CDK6: variants seen among roughly 807,000 people sequenced by gnomAD.
CDK6 encodes cyclin-dependent kinase 6.
A neutral mutation model predicts 37.1 loss-of-function variants in CDK6; 6 were observed. That is an observed-to-expected ratio of 0.16 (90% confidence interval 0.09 to 0.32). The LOEUF (loss-of-function observed/expected upper bound fraction) is 0.32. CDK6 is among the 10% of genes least tolerant of loss of function. The pLI, the probability that CDK6 is intolerant of heterozygous loss-of-function variation, is 1.00. For missense variants in CDK6, 224 were observed against 418.9 expected, an observed-to-expected ratio of 0.53 and a Z score of 4.06; for synonymous variants, 160 against 161.3, an observed-to-expected ratio of 0.99 and a Z score of 0.06.
intron 5 of CDK6, among the ~76,000 whole-genome samples, chr7:92,643,945 G>A (rs1006435970): frequency 2.0e-5 from 3 of 152,200 alleles, no homozygotes; most frequent in Non-Finnish European, 2.9e-5. Context: ...TGTCATATCA[G>A]CTTTAGGAAA....
At position 92,606,583 on chromosome 7, in the gene CDK6, T is replaced by G; in HGVS notation, c.*8557A>C. 4.3e-6 allele frequency: 1 copy of G among 233,288 alleles called. No homozygotes were observed. Among genetic ancestry groups the G allele is most frequent in the Non-Finnish European group, 8.5e-6 (1 of 118,046 alleles). 14.5% of individuals were successfully genotyped at this position (233,288 alleles called of 1,614,324 possible). On this transcript the variant is annotated 3_prime_UTR_variant, in exon 8 of 8. Coordinates refer to ENST00000424848, the MANE Select transcript of CDK6 (RefSeq NM_001145306.2). ...TATCTGATATACACAATTTCTACATTTCTAGAACCATGATTTCAAACACAG... is the reference window on the plus strand; with the variant it reads ...TATCTGATATACACAATTTCTACATGTCTAGAACCATGATTTCAAACACAG...
intron 5 of CDK6, among the ~76,000 whole-genome samples, chr7:92,643,944 A>T (rs1301975275): frequency 6.6e-6 from 1 of 152,210 alleles, no homozygotes; most frequent in Admixed American, 6.5e-5. Context: ...TTGTCATATC[A>T]GCTTTAGGAA....
intron 3 of CDK6, among the ~76,000 whole-genome samples, chr7:92,758,083 C>G (rs1487047563): frequency 6.6e-6 from 1 of 152,046 alleles, no homozygotes; most frequent in African/African-American, 2.4e-5. Flanking sequence ...ATATTTTCTC[C>G]CAATCTGTAG....
intron 2 of CDK6, among the ~76,000 whole-genome samples, chr7:92,810,855 G>A (rs1029063315): frequency 6.6e-5 from 10 of 152,038 alleles, no homozygotes; most frequent in African/African-American, 2.4e-4. Context: ...GGCGGATCAC[G>A]AGGTCAAGAG....
At chr7:92,756,690 A>C (rs968044009) in intron 3 of CDK6, among the ~76,000 whole-genome samples, 1 of 152,216 alleles carries the variant, frequency 6.6e-6, no homozygotes, top group African/African-American at 2.4e-5. Context: ...AACTCTTCCA[A>C]TGCAACATTA....
chr7:92,667,386 G>C (rs1308202419), intron 5 of CDK6, among the ~76,000 whole-genome samples: 1 of 151,602 alleles, frequency 6.6e-6, no homozygotes, highest in Non-Finnish European at 1.5e-5. Context: ...TTGCAGAGAT[G>C]GGGGTCTCAC....
At chr7:92,763,677 G>C (rs149414231) in intron 3 of CDK6, among the ~76,000 whole-genome samples, 129 of 152,270 alleles carry the variant, frequency 8.5e-4, no homozygotes, top group African/African-American at 3.0e-3. Flanking sequence ...CTTCACCTGG[G>C]CTTAGATTGC....
intron 4 of CDK6, among the ~76,000 whole-genome samples, chr7:92,676,815 T>C (rs1797213274): frequency 6.6e-6 from 1 of 152,048 alleles, no homozygotes; most frequent in African/African-American, 2.4e-5. Flanking sequence ...GTTGCAAAAT[T>C]TACAACTCTG....
rs890025609 is a variant in CDK6 at position 92,609,208 on chromosome 7, GC to G, written c.*5931del. The G allele has an allele frequency of 4.3e-6, 1 of 232,794 alleles. No individual in the cohort carries two copies. Among genetic ancestry groups the G allele is most frequent in the Non-Finnish European group, 8.5e-6 (1 of 117,854 alleles). The allele number at this position is 232,794 out of a possible 1,614,324, so 14.4% of individuals were successfully genotyped here. A position where few individuals can be genotyped will look rare whatever the true frequency, so the allele number is the denominator to read the frequency against. ...AAAGGAATAAGCTGCTTTCTGTGGT[GC>G]TGTGCTAAGGAAACTGAAAAATACT... is the stretch of plus-strand genomic sequence containing the variant. On this transcript the variant is annotated 3_prime_UTR_variant, in exon 8 of 8. Transcript: ENST00000424848.
chr7:92,799,385 C>T (rs1332319129), intron 2 of CDK6, among the ~76,000 whole-genome samples: 1 of 152,190 alleles, frequency 6.6e-6, no homozygotes, highest in Non-Finnish European at 1.5e-5. Context: ...CCTCCCATGG[C>T]TTCCCTGAGA....
intron 3 of CDK6, among the ~76,000 whole-genome samples, chr7:92,733,355 T>C (rs943844922): frequency 6.6e-6 from 1 of 152,208 alleles, no homozygotes; most frequent in African/African-American, 2.4e-5. Flanking sequence ...AACGTCTTCC[T>C]GCAGGACTCC....
rs563514945 is a variant in CDK6 at position 92,834,055 on chromosome 7, C to T, written c.-367-365G>A. On this transcript the variant is annotated intron_variant, in intron 1 of 7. Transcript: ENST00000424848. This position sits in a 1 kb window ranked among gnomAD's most constrained non-coding sequence, Gnocchi z 4.6. The stretch of plus-strand genomic sequence containing the variant: ...GTCAATGTCACGGCTTAATATTTAT[C>T]CCTATATCATTGTGTTGCGCCGCTA... The T allele has an allele frequency of 1.3e-5, 5 of 395,212 alleles. No individual in the cohort carries two copies. The highest frequency in any genetic ancestry group is 2.2e-5 in the Non-Finnish European group (5 of 224,614). 24.5% of individuals were successfully genotyped at this position (395,212 alleles called of 1,614,324 possible). A position where few individuals can be genotyped will look rare whatever the true frequency, so the allele number is the denominator to read the frequency against.
intron 7 of CDK6, 37 bp from the exon 8 acceptor site, chr7:92,615,323 T>C (rs199927078): frequency 8.1e-7 from 1 of 1,240,004 alleles, no homozygotes; most frequent in African/African-American, 1.4e-5. Context: ...TGATATACAA[T>C]ACATCAATGT....
intron 4 of CDK6, among the ~76,000 whole-genome samples, chr7:92,683,801 T>C (rs1758558087): frequency 6.6e-6 from 1 of 152,214 alleles, no homozygotes; most frequent in Non-Finnish European, 1.5e-5. Context: ...TGTTTCATGC[T>C]GTTCATTTAG....
intron 3 of CDK6, among the ~76,000 whole-genome samples, chr7:92,727,667 G>A (rs1287611655): frequency 6.6e-6 from 1 of 152,130 alleles, no homozygotes; most frequent in Non-Finnish European, 1.5e-5. Flanking sequence ...AGCACTTAGA[G>A]GGGGTATGCA....
chr7:92,712,160 A>C (rs548519068), intron 4 of CDK6, among the ~76,000 whole-genome samples: 111 of 126,538 alleles, frequency 8.8e-4, no homozygotes, highest in Middle Eastern at 7.2e-3. Flanking sequence ...ACTCCGTCCC[A>C]AAAAAAAAAA....
At chr7:92,653,792 A>T (rs999691900) in intron 5 of CDK6, among the ~76,000 whole-genome samples, 4 of 152,084 alleles carry the variant, frequency 2.6e-5, no homozygotes, top group African/African-American at 9.7e-5. Context: ...TCGTATTTAG[A>T]GACAGGGTCT....
intron 4 of CDK6, among the ~76,000 whole-genome samples, chr7:92,694,365 T>C (rs1450462894): frequency 6.6e-6 from 1 of 152,230 alleles, no homozygotes; most frequent in South Asian, 2.1e-4. Flanking sequence ...AAATTCTACA[T>C]GCTCAGTGAC....
In CDK6 at chr7:92,834,818, C is replaced by T; in HGVS notation, c.-367-1128G>A. Among the ~76,000 whole-genome samples, 1 of 152,272 alleles carries T rather than the reference C, an allele frequency of 6.6e-6. No individual in the cohort carries two copies. Among genetic ancestry groups the T allele is most frequent in the East Asian group, 1.9e-4 (1 of 5,168 alleles). On this transcript the variant is annotated intron_variant, in intron 1 of 7. Coordinates refer to ENST00000424848, the MANE Select transcript of CDK6 (RefSeq NM_001145306.2). This position sits in a 1 kb window ranked among gnomAD's most constrained non-coding sequence, Gnocchi z 4.6. ...CAGAGGTGGCTGCCCCATTCCCCCT[C>T]CGGCTAAAGGCCCGGTCCAGTCTGC...
Sources: allele counts gnomAD v4.1 joint callset (sites outside exome capture counted in the v4.1 genomes callset), GRCh38; gene constraint gnomAD v4.1.1; non-coding constraint Gnocchi (gnomAD v3.1); transcripts MANE v1.5; gene names NCBI Gene and HGNC (gene_info 2026-07-23, HGNC 2026-07-21).